The following MAF variants were observed in gnomAD, a reference collection of about 807,000 sequenced individuals.
MAF encodes transcription factor Maf.
In MAF, 10 loss-of-function variants were observed where a neutral mutation model predicts 22.0. The ratio of observed to expected loss-of-function variants is 0.45; its 90% CI spans 0.28 to 0.77. The LOEUF (loss-of-function observed/expected upper bound fraction) is 0.77, where lower values mean the gene tolerates loss of function less well. Among genes scored for constraint, MAF ranks in the 30% least tolerant of loss-of-function variants. The probability of loss-of-function intolerance (pLI) is 0.12; values close to 1 mark genes in which losing one functional copy is unlikely to be tolerated. For missense variants in MAF, 544 were observed against 548.4 expected, an observed-to-expected ratio of 0.99 and a Z score of 0.08; for synonymous variants, 337 against 255.8, an observed-to-expected ratio of 1.32 and a Z score of -3.03.
chr16:79,495,720 T>G, the MAF span, among the ~76,000 whole-genome samples: 1 of 152,312 alleles, frequency 6.6e-6, no homozygotes, highest in South Asian at 2.1e-4. Flanking sequence ...ATTCTCCAGC[T>G]TCCCTTGTGC....
the MAF span, among the ~76,000 whole-genome samples, chr16:79,477,558 C>G: frequency 3.9e-5 from 6 of 152,314 alleles, no homozygotes; most frequent in East Asian, 1.2e-3. Flanking sequence ...AGCATGGTCA[C>G]AGTTGCCTTA....
chr16:79,295,151 T>C, the MAF span, among the ~76,000 whole-genome samples: 1 of 152,196 alleles, frequency 6.6e-6, no homozygotes, highest in African/African-American at 2.4e-5. Context: ...GGTTAGATAT[T>C]TGAAGCTATT....
the MAF span, among the ~76,000 whole-genome samples, chr16:79,267,940 G>A: frequency 6.6e-5 from 10 of 152,108 alleles, no homozygotes; most frequent in African/African-American, 1.9e-4. Context: ...GGGTGTGGGC[G>A]GGGGCACGCC....
the MAF span, among the ~76,000 whole-genome samples, chr16:79,265,714 A>G: frequency 1.4e-4 from 22 of 152,346 alleles, no homozygotes; most frequent in East Asian, 4.1e-3. Context: ...ATCTCAGCAC[A>G]CAATGTTTTT....
At chr16:79,505,371 A>G in the MAF span, among the ~76,000 whole-genome samples, 1 of 152,162 alleles carries the variant, frequency 6.6e-6, no homozygotes, top group Non-Finnish European at 1.5e-5. Flanking sequence ...AGGGTTTTGT[A>G]TATTTTGTGA....
chr16:79,402,317 G>A, the MAF span, among the ~76,000 whole-genome samples: 1 of 152,234 alleles, frequency 6.6e-6, no homozygotes, highest in African/African-American at 2.4e-5. Context: ...TTAAACCCAG[G>A]TGTGGGTGAG....
the MAF span, among the ~76,000 whole-genome samples, chr16:79,270,154 G>C: frequency 6.6e-6 from 1 of 152,100 alleles, no homozygotes; most frequent in African/African-American, 2.4e-5. Context: ...CTTTGGGACA[G>C]AAGAGACAAA....
chr16:79,322,044 C>T, the MAF span, among the ~76,000 whole-genome samples: 1 of 152,112 alleles, frequency 6.6e-6, no homozygotes. Context: ...CCAACCTGGG[C>T]AACACGGCGA....
At chr16:79,518,129 C>T in the MAF span, among the ~76,000 whole-genome samples, 1 of 152,182 alleles carries the variant, frequency 6.6e-6, no homozygotes, top group Non-Finnish European at 1.5e-5. Flanking sequence ...TGACACAGCC[C>T]ACAGTATCTC....
chr16:79,281,820 A>G, the MAF span, among the ~76,000 whole-genome samples: 1 of 152,118 alleles, frequency 6.6e-6, no homozygotes, highest in South Asian at 2.1e-4. Context: ...GCTCATCGGA[A>G]AATCCATTAC....
chr16:79,456,541 TACTCCAGA>T, the MAF span, among the ~76,000 whole-genome samples: 5 of 152,156 alleles, frequency 3.3e-5, no homozygotes, highest in Non-Finnish European at 5.9e-5. Context: ...GAGCATAGAT[TACTCCAGA>T]ACTCTCAACT....
At chr16:79,460,657 G>C in the MAF span, among the ~76,000 whole-genome samples, 1 of 152,124 alleles carries the variant, frequency 6.6e-6, no homozygotes, top group African/African-American at 2.4e-5. Flanking sequence ...TTAGAATCTT[G>C]ATTGAAGTTC....
At chr16:79,359,189 G>C in the MAF span, among the ~76,000 whole-genome samples, 1 of 152,152 alleles carries the variant, frequency 6.6e-6, no homozygotes, top group African/African-American at 2.4e-5. Flanking sequence ...CTGGGGAATG[G>C]AGAATCAGAA....
chr16:79,590,812 C>T (rs1913148591), downstream of MAF, among the ~76,000 whole-genome samples: 1 of 152,152 alleles, frequency 6.6e-6, no homozygotes, highest in African/African-American at 2.4e-5. Flanking sequence ...CCTCTGCAGG[C>T]AGGTCCCTTC....
At chr16:79,278,600 T>A in the MAF span, among the ~76,000 whole-genome samples, 5 of 152,206 alleles carry the variant, frequency 3.3e-5, no homozygotes, top group African/African-American at 9.7e-5. Context: ...TATTGCTTTT[T>A]CCGTGTCTGT....
chr16:79,310,376 A>G, the MAF span, among the ~76,000 whole-genome samples: 1 of 152,172 alleles, frequency 6.6e-6, no homozygotes. Context: ...AGATAGAGAC[A>G]GAGAGTAAGA....
chr16:79,335,996 C>T, the MAF span, among the ~76,000 whole-genome samples: 2 of 152,114 alleles, frequency 1.3e-5, no homozygotes, highest in African/African-American at 2.4e-5. Flanking sequence ...GGATGTGGGA[C>T]GGAGTGATCC....
intron 1 of MAF, among the ~76,000 whole-genome samples, chr16:79,588,517 C>T (rs1352439466): frequency 2.6e-5 from 4 of 152,076 alleles, no homozygotes; most frequent in Non-Finnish European, 5.9e-5. Flanking sequence ...TTACTGCAAC[C>T]TCCGCCTCCC....
chr16:79,382,550 C>A, the MAF span, among the ~76,000 whole-genome samples: 1 of 152,148 alleles, frequency 6.6e-6, no homozygotes, highest in Admixed American at 6.5e-5. Flanking sequence ...ATACCCTATA[C>A]AAATAACGTA....
Sources: gnomAD v4.1 joint callset for allele counts (sites outside exome capture counted in the v4.1 genomes callset) on GRCh38, gnomAD v4.1.1 for gene constraint, MANE v1.5 for transcripts, NCBI Gene and HGNC (gene_info 2026-07-23, HGNC 2026-07-21) for gene names.